Variants in FTO observed in about 807,000 individuals in gnomAD.
FTO encodes the protein alpha-ketoglutarate-dependent dioxygenase FTO.
In FTO, 47 loss-of-function variants were observed where a neutral mutation model predicts 63.9. The observed-to-expected ratio is 0.74, with a 90% CI of 0.58 to 0.94. The LOEUF (loss-of-function observed/expected upper bound fraction) is 0.94, where lower values mean the gene tolerates loss of function less well. FTO is among the 40% of genes least tolerant of loss of function. FTO has a pLI of 0.00. For synonymous variants in FTO, 207 were observed against 224.4 expected, an observed-to-expected ratio of 0.92 and a Z score of 0.69; for missense variants, 562 against 618.1, an observed-to-expected ratio of 0.91 and a Z score of 0.96.
At chr16:53,974,723 G>A (rs1334419359) in intron 8 of FTO, among the ~76,000 whole-genome samples, 1 of 152,208 alleles carries the variant, frequency 6.6e-6, no homozygotes. Flanking sequence ...CAAGCAGCCT[G>A]TATTGGATGG....
At chr16:53,771,512 G>A (rs371904612) in intron 1 of FTO, among the ~76,000 whole-genome samples, 1 of 151,992 alleles carries the variant, frequency 6.6e-6, no homozygotes, top group East Asian at 1.9e-4. Flanking sequence ...TCAAAGTTTA[G>A]TCTTCAAAAC....
chr16:54,107,854 A>G (rs1269706688), intron 8 of FTO, among the ~76,000 whole-genome samples: 1 of 152,242 alleles, frequency 6.6e-6, no homozygotes, highest in Non-Finnish European at 1.5e-5. Flanking sequence ...CTAATTGTTC[A>G]TAGGCCAGGA....
intron 5 of FTO, among the ~76,000 whole-genome samples, chr16:53,876,985 C>A (rs551054683): frequency 2.8e-4 from 42 of 152,288 alleles, no homozygotes; most frequent in African/African-American, 9.6e-4. Flanking sequence ...AAATGCTGAA[C>A]GTCATTAGTC....
chr16:53,889,806 G>T (rs1377116314), intron 7 of FTO, among the ~76,000 whole-genome samples: 1 of 151,834 alleles, frequency 6.6e-6, no homozygotes, highest in Non-Finnish European at 1.5e-5. Context: ...TGGAGGTCTT[G>T]CATTAAGTCT....
At chr16:53,937,939 G>A (rs1230621482) in intron 8 of FTO, 3 of 152,200 alleles carry the variant, frequency 2.0e-5, no homozygotes, top group African/African-American at 7.2e-5. Flanking sequence ...CTAGATGGCT[G>A]AAAATTTTGA....
intron 2 of FTO, among the ~76,000 whole-genome samples, chr16:53,811,365 G>A (rs755804528): frequency 4.6e-5 from 7 of 152,188 alleles, no homozygotes; most frequent in Non-Finnish European, 8.8e-5. Flanking sequence ...GCACCTGCAT[G>A]TACATAGCTG....
chr16:53,918,317 C>T (rs969737059), intron 7 of FTO, among the ~76,000 whole-genome samples: 2 of 152,096 alleles, frequency 1.3e-5, no homozygotes, highest in African/African-American at 4.8e-5. Flanking sequence ...TCTGTTGCCC[C>T]CAGGCTATAA....
chr16:53,880,937 TAAA>T (rs34062544), intron 6 of FTO, among the ~76,000 whole-genome samples: 90 of 67,650 alleles, frequency 1.3e-3, no homozygotes, highest in African/African-American at 4.4e-3. Context: ...CCGTCTCTAC[TAAA>T]AAAAAAAAAA....
chr16:53,904,120 A>G (rs1323780844), intron 7 of FTO, among the ~76,000 whole-genome samples: 1 of 152,052 alleles, frequency 6.6e-6, no homozygotes, highest in Non-Finnish European at 1.5e-5. Context: ...GTACATGTGT[A>G]CATATGTGTC....
At position 53,873,789 on chromosome 16, in the gene FTO, A is replaced by G. The variant is rs2151879431; in HGVS notation, c.899A>G (p.Asp300Gly). The change falls in exon 5 of 9, where the codon GAT becomes GGT. Residue 300 changes from aspartate to glycine, a missense_variant. Asp to Gly is a moderately conservative substitution (Grantham distance 94, BLOSUM62 -1). Coordinates refer to ENST00000471389, the MANE Select transcript of FTO (RefSeq NM_001080432.3). ...ATTTCTGGTGTTTTTCCTGTAGATG[A>G]TCTCAATGCCACCCACCAACACTGT... is the stretch of plus-strand genomic sequence containing the variant. ...HQGDCYFMLD[D>G]LNATHQHCVL... 1 of 1,612,634 alleles carries G rather than the reference A, an allele frequency of 6.2e-7. No individual in the cohort carries two copies. The highest frequency in any genetic ancestry group is 2.2e-5 in the East Asian group (1 of 44,838).
At chr16:54,096,533 T>C (rs1567569404) in intron 8 of FTO, among the ~76,000 whole-genome samples, 1 of 152,262 alleles carries the variant, frequency 6.6e-6, no homozygotes, top group Non-Finnish European at 1.5e-5. Flanking sequence ...ATAGGTTCTT[T>C]GGCGAGAGTG....
chr16:53,909,879 T>A (rs2081643201), intron 7 of FTO, among the ~76,000 whole-genome samples: 1 of 151,942 alleles, frequency 6.6e-6, no homozygotes, highest in Non-Finnish European at 1.5e-5. Flanking sequence ...CCTCTTTTTT[T>A]AAACAATTTT....
intron 8 of FTO, among the ~76,000 whole-genome samples, chr16:54,079,900 A>G (rs2086098821): frequency 6.6e-6 from 1 of 152,132 alleles, no homozygotes; most frequent in Non-Finnish European, 1.5e-5. Context: ...GAACTAATTC[A>G]CATTTTTTAA....
At chr16:54,018,923 G>A (rs1392856192) in intron 8 of FTO, among the ~76,000 whole-genome samples, 5 of 152,194 alleles carry the variant, frequency 3.3e-5, no homozygotes, top group African/African-American at 7.2e-5. Flanking sequence ...TCAAATTACT[G>A]TAAACAATGC....
At chr16:53,939,282 T>A (rs1055436358) in intron 8 of FTO, among the ~76,000 whole-genome samples, 2 of 152,108 alleles carry the variant, frequency 1.3e-5, no homozygotes, top group Non-Finnish European at 2.9e-5. Context: ...GAAAGCCAGG[T>A]AGAGGATAAT....
intron 8 of FTO, among the ~76,000 whole-genome samples, chr16:53,987,540 G>A (rs536780344): frequency 3.0e-4 from 44 of 148,178 alleles, no homozygotes; most frequent in Non-Finnish European, 4.6e-4. Context: ...CCGAGATTGC[G>A]CCACTGCACT....
intron 1 of FTO, among the ~76,000 whole-genome samples, chr16:53,726,095 G>T (rs1286721906): frequency 6.6e-6 from 1 of 152,094 alleles, no homozygotes; most frequent in Non-Finnish European, 1.5e-5. Context: ...AGCAATAAGA[G>T]CCCGAACTTA....
chr16:53,807,997 T>G (rs2078416358), intron 1 of FTO, among the ~76,000 whole-genome samples: 1 of 152,170 alleles, frequency 6.6e-6, no homozygotes, highest in South Asian at 2.1e-4. Flanking sequence ...ACATTAGTAT[T>G]ATAACTATAA....
At chr16:53,799,621 C>T (rs1430942914) in intron 1 of FTO, among the ~76,000 whole-genome samples, 2 of 152,092 alleles carry the variant, frequency 1.3e-5, no homozygotes, top group Admixed American at 1.3e-4. Context: ...AGAGGGATAA[C>T]ACAAAAGTAT....
Sources: gnomAD v4.1 joint callset for allele counts (sites outside exome capture counted in the v4.1 genomes callset) on GRCh38, gnomAD v4.1.1 for gene constraint, MANE v1.5 for transcripts, NCBI Gene and HGNC (gene_info 2026-07-23, HGNC 2026-07-21) for gene names.